Variants in BTG4 observed in about 807,000 individuals in gnomAD.
The protein encoded by BTG4 is protein BTG4.
In BTG4, 10 loss-of-function variants were observed where a neutral mutation model predicts 19.3. The observed-to-expected ratio is 0.52, with a 90% CI of 0.32 to 0.88. The LOEUF is 0.88. Ranked by LOEUF, BTG4 falls within the 40% of genes least tolerant of loss-of-function variation. The pLI is 0.04. For synonymous variants in BTG4, 91 were observed against 95.7 expected, an observed-to-expected ratio of 0.95 and a Z score of 0.29; for missense variants, 238 against 281.9, an observed-to-expected ratio of 0.84 and a Z score of 1.11.
chr11:111,416,446 CTCAGGGGACTTTGGCT>C, the BTG4 span: 2 of 152,064 alleles, frequency 1.3e-5, no homozygotes, highest in African/African-American at 4.8e-5. Context: ...CACCCCAGAC[CTCAGGGGACTTTGGCT>C]TCCTGAGGTC....
At chr11:111,449,042 T>TG in the BTG4 span, among the ~76,000 whole-genome samples, 2 of 152,126 alleles carry the variant, frequency 1.3e-5, no homozygotes, top group African/African-American at 4.8e-5. Flanking sequence ...CCTTCCAACT[T>TG]GAACGTTCTC....
At chr11:111,489,490 T>G (rs1211818905) in intron 5 of BTG4, among the ~76,000 whole-genome samples, 1 of 152,212 alleles carries the variant, frequency 6.6e-6, no homozygotes, top group Non-Finnish European at 1.5e-5. Flanking sequence ...CTCCCATGTT[T>G]ATTGCAACCC....
chr11:111,405,999 A>G, the BTG4 span, among the ~76,000 whole-genome samples: 8 of 152,234 alleles, frequency 5.3e-5, no homozygotes, highest in Non-Finnish European at 8.8e-5. Context: ...CAGATATAAC[A>G]TATCTTTACT....
At chr11:111,401,489 A>AAAAAAGAAAAG in the BTG4 span, among the ~76,000 whole-genome samples, 3 of 151,916 alleles carry the variant, frequency 2.0e-5, no homozygotes, top group African/African-American at 7.3e-5. Context: ...CTCAAAAAAA[A>AAAAAAGAAAAG]AAAAGAAAAG....
chr11:111,485,728 G>A (rs1865026544), intron 5 of BTG4, among the ~76,000 whole-genome samples: 1 of 152,046 alleles, frequency 6.6e-6, no homozygotes, highest in African/African-American at 2.4e-5. Flanking sequence ...AAAACCAGTA[G>A]AAGAAGTGAA....
chr11:111,495,272 G>A lies in BTG4; in HGVS notation c.553C>T (p.Pro185Ser), dbSNP rs746112390. The change falls in exon 5 of 5, where the codon CCC (proline) becomes TCC (serine). Residue 185 changes from proline to serine, a missense_variant. By Grantham distance (74) the Pro-to-Ser change is moderately conservative. Coordinates refer to ENST00000692032, the MANE Select transcript of BTG4 (RefSeq NM_001367975.1). ...KQPFQSWLQIPRKKNVVDGRV... is the reference protein window; with the variant it reads ...KQPFQSWLQISRKKNVVDGRV... ...CCGTCCACCACATTCTTTTTGCGGG[G>A]GATTTGTAACCAAGATTGAAAGGGC... 3.1e-6 allele frequency: 5 copies of A among 1,610,322 alleles called. No individual in the cohort carries two copies. Among genetic ancestry groups the A allele is most frequent in the Non-Finnish European group, 4.2e-6 (5 of 1,178,948 alleles).
chr11:111,510,957 C>G (rs553810649), intron 1 of BTG4, among the ~76,000 whole-genome samples: 1 of 152,194 alleles, frequency 6.6e-6, no homozygotes, highest in Non-Finnish European at 1.5e-5. Flanking sequence ...AAGTGACTAA[C>G]AATTTGGTAG....
the BTG4 span, chr11:111,415,128 C>G: frequency 1.3e-5 from 2 of 152,168 alleles, no homozygotes; most frequent in East Asian, 3.8e-4. Flanking sequence ...GGACCCAGAT[C>G]GAAGCCCAGG....
chr11:111,403,058 C>T, the BTG4 span, among the ~76,000 whole-genome samples: 2 of 152,128 alleles, frequency 1.3e-5, no homozygotes, highest in Non-Finnish European at 2.9e-5. Context: ...CAATCTCACT[C>T]CATAGAAAGA....
intron 5 of BTG4, among the ~76,000 whole-genome samples, chr11:111,470,380 T>C (rs927738423): frequency 6.6e-6 from 1 of 152,180 alleles, no homozygotes; most frequent in Non-Finnish European, 1.5e-5. Context: ...CCATGGCACC[T>C]GGCCTCATGA....
At chr11:111,412,863 C>T in the BTG4 span, among the ~76,000 whole-genome samples, 1 of 152,178 alleles carries the variant, frequency 6.6e-6, no homozygotes, top group African/African-American at 2.4e-5. Context: ...AATGTTATAA[C>T]TCAACACAAA....
downstream of BTG4, among the ~76,000 whole-genome samples, chr11:111,491,273 C>A (rs1188834460): frequency 3.3e-5 from 5 of 152,096 alleles, no homozygotes; most frequent in African/African-American, 4.8e-5. Flanking sequence ...AAGAGGAATT[C>A]TTGTGGTGAT....
chr11:111,477,699 C>A (rs1230561809), intron 5 of BTG4, among the ~76,000 whole-genome samples: 1 of 151,986 alleles, frequency 6.6e-6, no homozygotes, highest in Admixed American at 6.6e-5. Context: ...ATCGTATATT[C>A]CAGACTTGGA....
At chr11:111,403,919 T>C in the BTG4 span, among the ~76,000 whole-genome samples, 1 of 152,224 alleles carries the variant, frequency 6.6e-6, no homozygotes, top group South Asian at 2.1e-4. Flanking sequence ...CCAGTCAGGA[T>C]GGTAAAGACT....
At chr11:111,460,488 G>A in the BTG4 span, 1 of 152,278 alleles carries the variant, frequency 6.6e-6, no homozygotes, top group Non-Finnish European at 1.5e-5. Context: ...CAACTAGATA[G>A]GGCTCCCAAG....
chr11:111,425,417 G>A, the BTG4 span, among the ~76,000 whole-genome samples: 2 of 152,136 alleles, frequency 1.3e-5, no homozygotes, highest in African/African-American at 2.4e-5. Context: ...AAGAAGACTG[G>A]AGAGCCCCCA....
At chr11:111,447,033 C>A in the BTG4 span, among the ~76,000 whole-genome samples, 1 of 152,222 alleles carries the variant, frequency 6.6e-6, no homozygotes, top group Non-Finnish European at 1.5e-5. Flanking sequence ...TGTCCCCCCA[C>A]AGGTAGTCTC....
At chr11:111,427,276 G>C in the BTG4 span, among the ~76,000 whole-genome samples, 1,763 of 152,278 alleles carry the variant, frequency 0.012, 26 homozygotes, top group African/African-American at 0.039. Flanking sequence ...GAAAAAGGCA[G>C]CCACATCACA....
chr11:111,422,257 C>A, the BTG4 span, among the ~76,000 whole-genome samples: 4 of 152,154 alleles, frequency 2.6e-5, no homozygotes. Context: ...TCAATCTCAA[C>A]CTAAATATTC....
Sources: allele counts gnomAD v4.1 joint callset (sites outside exome capture counted in the v4.1 genomes callset), GRCh38; gene constraint gnomAD v4.1.1; transcripts MANE v1.5; gene names NCBI Gene and HGNC (gene_info 2026-07-23, HGNC 2026-07-21).